Variants in VPS8 observed in about 807,000 individuals in gnomAD.
VPS8 encodes the protein VPS8 subunit of CORVET complex, also known as vacuolar protein sorting-associated protein 8 homolog.
Under a neutral mutation model 216.4 loss-of-function variants are expected in VPS8, and 129 were observed. That is an observed-to-expected ratio of 0.60 (90% CI 0.52 to 0.69). VPS8 has a LOEUF of 0.69. Among genes scored for constraint, VPS8 ranks in the 30% least tolerant of loss-of-function variants. The probability of loss-of-function intolerance (pLI) is 0.00; values close to 1 mark genes in which losing one functional copy is unlikely to be tolerated. For synonymous variants in VPS8, 571 were observed against 565.4 expected, an observed-to-expected ratio of 1.01 and a Z score of -0.14; for missense variants, 1,531 against 1,683.5, an observed-to-expected ratio of 0.91 and a Z score of 1.59.
At chr3:184,986,654 G>A (rs1007935539) in intron 42 of VPS8, among the ~76,000 whole-genome samples, 1 of 152,142 alleles carries the variant, frequency 6.6e-6, no homozygotes, top group African/African-American at 2.4e-5. Flanking sequence ...GATGCTTCAG[G>A]TTTTCCTCAA....
At chr3:184,852,637 A>T (rs766824006) in intron 11 of VPS8, 70 bp downstream of exon 11, 3 of 1,460,594 alleles carry the variant, frequency 2.1e-6, no homozygotes, top group Non-Finnish European at 2.9e-6. Flanking sequence ...GAAATTGAAC[A>T]TGAAGAGGAC....
intron 25 of VPS8, among the ~76,000 whole-genome samples, chr3:184,904,211 G>T (rs1344225151): frequency 6.6e-6 from 1 of 152,092 alleles, no homozygotes; most frequent in Non-Finnish European, 1.5e-5. Flanking sequence ...TAATATAGAT[G>T]CCTTTCTTTT....
intron 6 of VPS8, chr3:184,839,382 C>T (rs551589757): frequency 3.5e-6 from 1 of 287,716 alleles, no homozygotes; most frequent in Admixed American, 5.2e-5. Flanking sequence ...GCATAAGTGC[C>T]TCTTACTTTG....
intron 25 of VPS8, among the ~76,000 whole-genome samples, chr3:184,906,093 C>G (rs1263830880): frequency 5.9e-5 from 9 of 152,006 alleles, no homozygotes; most frequent in Non-Finnish European, 1.3e-4. Context: ...TAAGTGTTTA[C>G]AGCTACAAAT....
chr3:184,957,172 A>G (rs1299402075), intron 36 of VPS8, among the ~76,000 whole-genome samples: 4 of 152,254 alleles, frequency 2.6e-5, no homozygotes, highest in Non-Finnish European at 5.9e-5. Context: ...CCTGAGTAAT[A>G]TTACAACTTA....
intron 25 of VPS8, among the ~76,000 whole-genome samples, chr3:184,904,180 ATAAT>A (rs971319237): frequency 2.6e-5 from 4 of 152,188 alleles, no homozygotes; most frequent in Non-Finnish European, 4.4e-5. Context: ...GCAAATAAAA[ATAAT>A]TATAATTTTT....
At chr3:184,986,887 G>A (rs1751172122) in intron 42 of VPS8, among the ~76,000 whole-genome samples, 2 of 152,062 alleles carry the variant, frequency 1.3e-5, no homozygotes, top group Non-Finnish European at 2.9e-5. Context: ...TTTTGTATTA[G>A]TGTGGTATAT....
intron 13 of VPS8, among the ~76,000 whole-genome samples, chr3:184,855,321 T>C (rs1388760932): frequency 6.6e-6 from 1 of 152,238 alleles, no homozygotes; most frequent in Non-Finnish European, 1.5e-5. Flanking sequence ...TTATATTTTT[T>C]ATGTATTTCA....
In VPS8 at chr3:184,913,504, C is replaced by A; in HGVS notation, c.2147-15C>A. The A allele has an allele frequency of 1.3e-6, 2 of 1,575,828 alleles. No homozygotes were observed. Among genetic ancestry groups the A allele is most frequent in the Non-Finnish European group, 1.7e-6 (2 of 1,163,270 alleles). ...TGAGAGAAAATTGCTGAAGATACTTCTCTTTCTATTTTAGATGAACAAGTT... is the reference window on the plus strand; with the variant it reads ...TGAGAGAAAATTGCTGAAGATACTTATCTTTCTATTTTAGATGAACAAGTT... On this transcript the variant is annotated splice_polypyrimidine_tract_variant and intron_variant, in intron 25 of 47. Coordinates refer to ENST00000625842, the MANE Select transcript of VPS8 (RefSeq NM_001009921.3).
chr3:184,969,201 T>C (rs1330989990), intron 39 of VPS8, among the ~76,000 whole-genome samples: 4 of 152,032 alleles, frequency 2.6e-5, no homozygotes, highest in Non-Finnish European at 5.9e-5. Context: ...CACTGCAACC[T>C]CTGCCTCCCA....
At chr3:184,992,327 T>C (rs192345396) in intron 42 of VPS8, among the ~76,000 whole-genome samples, 15 of 152,306 alleles carry the variant, frequency 9.8e-5, no homozygotes, top group Admixed American at 4.6e-4. Flanking sequence ...TTTCCAGCAA[T>C]CATTAGTTTA....
At chr3:184,964,176 G>GA (rs1747000588) in intron 37 of VPS8, among the ~76,000 whole-genome samples, 1 of 151,748 alleles carries the variant, frequency 6.6e-6, no homozygotes, top group Non-Finnish European at 1.5e-5. Flanking sequence ...TGTATTGTTA[G>GA]TATGTATGTA....
intron 25 of VPS8, chr3:184,901,231 T>A (rs1043918086): frequency 2.5e-6 from 1 of 399,020 alleles, no homozygotes; most frequent in Non-Finnish European, 4.4e-6. Context: ...CTATACTTCA[T>A]GTAAATGGAA....
Position 184,930,427 on chromosome 3 carries a change from T to C in VPS8, c.2800-43T>C, listed in dbSNP as rs747627544. The stretch of plus-strand genomic sequence containing the variant: ...GGTTCAGTTGGTAGGGACTAAATCT[T>C]GAGTGAGTGAATGAATAAATTATAT... On this transcript the variant is annotated intron_variant, in intron 33 of 47. Coordinates refer to ENST00000625842, the MANE Select transcript of VPS8 (RefSeq NM_001009921.3). 3.0e-5 allele frequency: 44 copies of C among 1,455,544 alleles called. No individual in the cohort carries two copies. The East Asian group carries it at 1.0e-3, about 33-fold the overall frequency. 90.2% of individuals were successfully genotyped at this position (1,455,544 alleles called of 1,614,324 possible).
chr3:184,870,224 A>G (rs1423903823), intron 20 of VPS8, among the ~76,000 whole-genome samples: 1 of 152,230 alleles, frequency 6.6e-6, no homozygotes, highest in Non-Finnish European at 1.5e-5. Flanking sequence ...ATTGATGCTA[A>G]TATTTAATAT....
At chr3:184,902,778 C>G (rs567918700) in intron 25 of VPS8, among the ~76,000 whole-genome samples, 1 of 150,332 alleles carries the variant, frequency 6.7e-6, no homozygotes, top group Non-Finnish European at 1.5e-5. Flanking sequence ...TGCAGTGAGC[C>G]GAGATCGCGC....
intron 1 of VPS8, among the ~76,000 whole-genome samples, chr3:184,821,700 C>A (rs1434234317): frequency 6.6e-6 from 1 of 152,048 alleles, no homozygotes; most frequent in African/African-American, 2.4e-5. Flanking sequence ...GAATCTGTAC[C>A]TAGAACCTAA....
At chr3:184,842,366 T>C (rs1299948614) in intron 7 of VPS8, among the ~76,000 whole-genome samples, 2 of 151,582 alleles carry the variant, frequency 1.3e-5, no homozygotes, top group African/African-American at 2.4e-5. Context: ...TTTTTTTTTT[T>C]TTTAGACCCC....
intron 30 of VPS8, among the ~76,000 whole-genome samples, chr3:184,926,092 C>G (rs1739563750): frequency 6.7e-6 from 1 of 149,422 alleles, no homozygotes; most frequent in African/African-American, 2.5e-5. Context: ...GTTATGTTGC[C>G]AGGCCGGATG....
Sources: allele counts gnomAD v4.1 joint callset (sites outside exome capture counted in the v4.1 genomes callset), GRCh38; gene constraint gnomAD v4.1.1; transcripts MANE v1.5; gene names NCBI Gene and HGNC (gene_info 2026-07-23, HGNC 2026-07-21).